Variants in CASP10 observed in about 807,000 individuals in gnomAD.
CASP10 encodes caspase 10.
A neutral mutation model predicts 48.5 loss-of-function variants in CASP10; 41 were observed. The ratio of observed to expected loss-of-function variants is 0.85; its 90% confidence interval spans 0.66 to 1.10. CASP10 has a LOEUF of 1.10. Ranked by LOEUF, CASP10 falls within the 50% of genes least tolerant of loss-of-function variation. The probability of loss-of-function intolerance (pLI) is 0.00; values close to 1 mark genes in which losing one functional copy is unlikely to be tolerated. For missense variants in CASP10, 614 were observed against 614.5 expected, an observed-to-expected ratio of 1.00 and a Z score of 0.01; for synonymous variants, 232 against 238.4, an observed-to-expected ratio of 0.97 and a Z score of 0.25.
At position 201,187,701 on chromosome 2, in the gene CASP10, C is replaced by T; in HGVS notation, c.348-5C>T. 1 of 1,611,570 alleles carries T rather than the reference C, an allele frequency of 6.2e-7. No individual in the cohort carries two copies. Among genetic ancestry groups the T allele is most frequent in the Non-Finnish European group, 8.5e-7 (1 of 1,177,766 alleles). Reference sequence around the variant, plus strand: ...TTTATTTGTCATTTTGGGTGTGTGTCTTAGAAACCTGCTCTACGAACTGTC... The same window carrying T: ...TTTATTTGTCATTTTGGGTGTGTGTTTTAGAAACCTGCTCTACGAACTGTC... On this transcript the variant is annotated splice_polypyrimidine_tract_variant and splice_region_variant and intron_variant, in intron 2 of 9. Coordinates refer to ENST00000286186, the MANE Select transcript of CASP10 (RefSeq NM_032977.4).
chr2:201,195,783 T>G, intron 4 of CASP10, 59 bp from the exon 5 acceptor site: 1 of 1,357,244 alleles, frequency 7.4e-7, no homozygotes. Context: ...GTTCAAGCAA[T>G]TCTCCTGCTG....
At chr2:201,193,300 C>T (rs530025770) in intron 4 of CASP10, 181 bp downstream of exon 4, 76 of 518,950 alleles carry the variant, frequency 1.5e-4, no homozygotes, top group Non-Finnish European at 2.6e-4. Context: ...CTCCGCCTCC[C>T]GGGTTCAAGT....
intron 2 of CASP10, 138 bp from the exon 3 acceptor site, chr2:201,187,568 C>G: frequency 1.3e-6 from 1 of 756,630 alleles, no homozygotes; most frequent in South Asian, 1.4e-5. Flanking sequence ...TTTTTTGAAC[C>G]TATAAATGGG....
rs372186233 is a variant in CASP10, at chr2:201,196,491, G to A, written c.684+543G>A. Among the ~76,000 whole-genome samples the A allele has an allele frequency of 2.0e-5, 3 of 152,208 alleles. No homozygotes were observed. The South Asian group carries it at 6.2e-4, about 31-fold the overall frequency. Reference sequence around the variant, plus strand: ...TGAAAGGATGGGTGGAAGGGGAAACGTTGGGAGAATTTGCAGTCTGTTCCT... The same window carrying A: ...TGAAAGGATGGGTGGAAGGGGAAACATTGGGAGAATTTGCAGTCTGTTCCT... On this transcript the variant is annotated intron_variant, in intron 5 of 9. Transcript: ENST00000286186.
chr2:201,218,556 C>G lies in CASP10; in HGVS notation c.*815C>G. On this transcript the variant is annotated 3_prime_UTR_variant, in exon 10 of 10. Transcript: ENST00000286186. ...GGCTCAAGCGATCCTCCCACCTCAG[C>G]TTCTCAAAGTTCTGGGACTACAGGC... The G allele has an allele frequency of 1.0e-6, 1 of 965,226 alleles. No homozygotes were observed. The highest frequency in any genetic ancestry group is 1.2e-6 in the Non-Finnish European group (1 of 811,594). The allele number at this position is 965,226 out of a possible 1,614,324, so 59.8% of individuals were successfully genotyped here.
At chr2:201,203,676 C>A in intron 5 of CASP10, 54 bp from the exon 6 acceptor site, 1 of 1,506,016 alleles carries the variant, frequency 6.6e-7, no homozygotes, top group Non-Finnish European at 9.2e-7. Context: ...TTTTGTTCCT[C>A]ATCCTAACTG....
Position 201,209,169 on chromosome 2 carries a change from G to T in CASP10, c.1022G>T (p.Cys341Phe), listed in dbSNP as rs1576126510. 1.2e-6 allele frequency: 2 copies of T among 1,612,522 alleles called. No individual in the cohort carries two copies. Among genetic ancestry groups the T allele is most frequent in the Non-Finnish European group, 1.7e-6 (2 of 1,179,090 alleles). Residue 341 changes from cysteine (C) to phenylalanine (F), a missense_variant, in exon 9 of 10, where the codon TGC becomes TTC. By Grantham distance (205) the Cys-to-Phe change is radical. Transcript: ENST00000286186. ...EMEMVLQKQK[C>F]NPAHADGDCF... Reference sequence around the variant, plus strand: ...GAGATGGTCCTGCAGAAGCAGAAGTGCAATCCAGCCCATGCCGACGGGGAC... The same window carrying T: ...GAGATGGTCCTGCAGAAGCAGAAGTTCAATCCAGCCCATGCCGACGGGGAC...
intron 5 of CASP10, among the ~76,000 whole-genome samples, chr2:201,198,539 C>CTTTTTTTTTTTTT (rs34234167): frequency 6.8e-5 from 6 of 87,978 alleles, no homozygotes; most frequent in Admixed American, 1.4e-4. Context: ...TTTTTTAATT[C>CTTTTTTTTTTTTT]TTTTTTTTTT....
In CASP10 at chr2:201,195,906, A is replaced by G; in HGVS notation, c.642A>G (p.Leu214=). 3 of 1,614,026 alleles carry G rather than the reference A, an allele frequency of 1.9e-6. No homozygotes were observed. Among genetic ancestry groups the G allele is most frequent in the Non-Finnish European group, 2.5e-6 (3 of 1,179,916 alleles). ...EAESYQGEEE[L]VSQTDVKTFL... The stretch of plus-strand genomic sequence containing the variant: ...AGTCGTATCAAGGAGAGGAAGAACT[A>G]GTTTCCCAAACAGATGTTAAGACAT... Residue 214 remains leucine, a synonymous_variant, in exon 5 of 10, where the codon CTA becomes CTG. Coordinates refer to ENST00000286186, the MANE Select transcript of CASP10 (RefSeq NM_032977.4).
chr2:201,215,034 T>C (rs1945523622), intron 9 of CASP10: 1 of 152,072 alleles, frequency 6.6e-6, no homozygotes, highest in South Asian at 2.1e-4. Context: ...CTGTGGACCA[T>C]TTGTATGTCT....
chr2:201,188,784 C>T (rs963772479), intron 3 of CASP10, among the ~76,000 whole-genome samples: 3 of 152,000 alleles, frequency 2.0e-5, no homozygotes, highest in African/African-American at 7.3e-5. Flanking sequence ...CTGATTTTCT[C>T]TCTCTTTTTC....
downstream of CASP10, among the ~76,000 whole-genome samples, chr2:201,222,335 G>A (rs920645467): frequency 7.3e-5 from 11 of 150,766 alleles, no homozygotes; most frequent in African/African-American, 2.2e-4. Flanking sequence ...TCCTGCCTCC[G>A]CCTCCTGAGT....
At chr2:201,202,205 C>T (rs557066560) in intron 5 of CASP10, among the ~76,000 whole-genome samples, 2 of 152,160 alleles carry the variant, frequency 1.3e-5, no homozygotes, top group Non-Finnish European at 2.9e-5. Flanking sequence ...GCATGTCTCT[C>T]TATGGAGGAG....
chr2:201,195,948 G>C lies in CASP10; in HGVS notation c.684G>C (p.Pro228=), dbSNP rs368583939. 6.2e-7 allele frequency: 1 copy of C among 1,602,754 alleles called. No individual in the cohort carries two copies. Among genetic ancestry groups the C allele is most frequent in the Non-Finnish European group, 8.5e-7 (1 of 1,170,026 alleles). ...TDVKTFLEAL[P]QESWQNKHAG... ...TTAAGACATTCTTGGAAGCCTTACCGGTAGGTTCAGTGGTGTGCTGGTCAA... is the reference window on the plus strand; with the variant it reads ...TTAAGACATTCTTGGAAGCCTTACCCGTAGGTTCAGTGGTGTGCTGGTCAA... The change falls in exon 5 of 10, where the codon CCG becomes CCC. Residue 228 remains proline (P), a splice_region_variant and synonymous_variant. Coordinates refer to ENST00000286186, the MANE Select transcript of CASP10 (RefSeq NM_032977.4).
At chr2:201,197,654 T>G (rs1435629776) in intron 5 of CASP10, among the ~76,000 whole-genome samples, 1 of 152,132 alleles carries the variant, frequency 6.6e-6, no homozygotes, top group Non-Finnish European at 1.5e-5. Context: ...TAAGTTTCTA[T>G]AGCATACAGT....
chr2:201,217,825 T>C lies in CASP10; in HGVS notation c.*84T>C. On this transcript the variant is annotated 3_prime_UTR_variant, in exon 10 of 10. Transcript: ENST00000286186. ...TCCTGCCCAGCACAGGAATCGGTGG[T>C]CTCCACCTGTCATTCTAGAAACAGG... is the stretch of plus-strand genomic sequence containing the variant. 47 of 1,611,576 alleles carry C rather than the reference T, an allele frequency of 2.9e-5. No individual in the cohort carries two copies. Among genetic ancestry groups the C allele is most frequent in the Non-Finnish European group, 3.9e-5 (46 of 1,178,720 alleles).
At chr2:201,215,652 T>G (rs1945546617) in intron 9 of CASP10, among the ~76,000 whole-genome samples, 1 of 152,200 alleles carries the variant, frequency 6.6e-6, no homozygotes, top group African/African-American at 2.4e-5. Context: ...TTTTGGTAAC[T>G]CTAGATTTGT....
At chr2:201,216,892 T>C (rs1945587624) in intron 9 of CASP10, among the ~76,000 whole-genome samples, 1 of 152,194 alleles carries the variant, frequency 6.6e-6, no homozygotes, top group African/African-American at 2.4e-5. Context: ...TTCTGCTAAA[T>C]GCTATATGTC....
intron 8 of CASP10, chr2:201,208,597 A>G (rs1200747135): frequency 6.5e-6 from 1 of 153,026 alleles, no homozygotes. Context: ...GATTCATTGT[A>G]AGATTTTATG....
Sources: gnomAD v4.1 joint callset for allele counts (sites outside exome capture counted in the v4.1 genomes callset) on GRCh38, gnomAD v4.1.1 for gene constraint, MANE v1.5 for transcripts, NCBI Gene and HGNC (gene_info 2026-07-23, HGNC 2026-07-21) for gene names.